The following NCAM2 variants were observed in gnomAD, a reference collection of about 807,000 sequenced individuals.
NCAM2 encodes the protein N-CAM-2.
Under a neutral mutation model 98.1 loss-of-function variants are expected in NCAM2, and 30 were observed. That is an observed-to-expected ratio of 0.31 (90% CI 0.23 to 0.41). The LOEUF (loss-of-function observed/expected upper bound fraction) is 0.41, where lower values mean the gene tolerates loss of function less well. Ranked by LOEUF, NCAM2 falls within the 10% of genes least tolerant of loss-of-function variation. NCAM2 has a pLI of 1.00. For missense variants in NCAM2, 867 were observed against 1,005.8 expected, an observed-to-expected ratio of 0.86 and a Z score of 1.87; for synonymous variants, 368 against 342.4, an observed-to-expected ratio of 1.07 and a Z score of -0.83.
intron 6 of NCAM2, among the ~76,000 whole-genome samples, chr21:21,329,797 T>C (rs1039461372): frequency 3.3e-5 from 5 of 152,286 alleles, no homozygotes; most frequent in African/African-American, 1.2e-4. Context: ...ATAATTTTTC[T>C]TAAGTTCACA....
chr21:21,456,794 C>A (rs1384472145), intron 12 of NCAM2, among the ~76,000 whole-genome samples: 1 of 152,012 alleles, frequency 6.6e-6, no homozygotes, highest in Non-Finnish European at 1.5e-5. Flanking sequence ...GATTGGTGCC[C>A]TTTTAAAAGA....
At chr21:21,339,616 T>C (rs1177796567) in intron 8 of NCAM2, among the ~76,000 whole-genome samples, 1 of 151,840 alleles carries the variant, frequency 6.6e-6, no homozygotes, top group Non-Finnish European at 1.5e-5. Flanking sequence ...AGGTAAAGAG[T>C]CCAATTTCTA....
At chr21:21,426,180 A>G (rs1002351560) in intron 11 of NCAM2, among the ~76,000 whole-genome samples, 2 of 152,172 alleles carry the variant, frequency 1.3e-5, no homozygotes, top group African/African-American at 4.8e-5. Flanking sequence ...AACATATAAA[A>G]TGTGGAGGGA....
rs751489970 is a variant in NCAM2 at position 21,450,793 on chromosome 21, T to TGTATGTATACACAC, written c.1655-15813_1655-15812insGTATGTATACACAC. Among the ~76,000 whole-genome samples, 669 of 143,484 alleles carry TGTATGTATACACAC rather than the reference T, an allele frequency of 4.7e-3. 2 individuals carry two copies. Among genetic ancestry groups the TGTATGTATACACAC allele is most frequent in the Non-Finnish European group, 6.5e-3 (428 of 66,250 alleles). The allele number at this position is 143,484 out of a possible 152,430, so 94.1% of individuals were successfully genotyped here. ...CATCATGTATGTATGTATGTATGTA[T>TGTATGTATACACAC]ACACACACACACACACACACACACA... is the stretch of plus-strand genomic sequence containing the variant. On this transcript the variant is annotated intron_variant, in intron 12 of 17. Transcript: ENST00000400546.
At chr21:21,234,826 C>G (rs2070756306) in intron 1 of NCAM2, among the ~76,000 whole-genome samples, 1 of 151,890 alleles carries the variant, frequency 6.6e-6, no homozygotes, top group Admixed American at 6.6e-5. Context: ...ATTGCTGTTA[C>G]CGTGCTGAGA....
intron 1 of NCAM2, among the ~76,000 whole-genome samples, chr21:21,157,316 C>T (rs1466748680): frequency 6.6e-6 from 1 of 152,094 alleles, no homozygotes; most frequent in Non-Finnish European, 1.5e-5. Context: ...TAGGCAATAC[C>T]TTTGAACATT....
At chr21:21,265,487 C>A (rs1366748108) in intron 1 of NCAM2, among the ~76,000 whole-genome samples, 13 of 131,556 alleles carry the variant, frequency 9.9e-5, no homozygotes, top group Non-Finnish European at 1.3e-4. Context: ...ATTATATATA[C>A]ACATATATAA....
intron 8 of NCAM2, among the ~76,000 whole-genome samples, chr21:21,369,197 T>A (rs2075858688): frequency 6.6e-6 from 1 of 151,864 alleles, no homozygotes; most frequent in South Asian, 2.1e-4. Context: ...TTCTGGAAAT[T>A]TCAAAGAAAT....
chr21:21,321,423 C>A lies in NCAM2; in HGVS notation c.620-2960C>A, dbSNP rs576847329. On this transcript the variant is annotated intron_variant, in intron 5 of 17. Coordinates refer to ENST00000400546, the MANE Select transcript of NCAM2 (RefSeq NM_004540.5). Reference sequence around the variant, plus strand: ...CAAAAGCTGTTTAGTTTAATTAGGTCCCACTCGTCAATTTTTGTATTTATT... The same window carrying A: ...CAAAAGCTGTTTAGTTTAATTAGGTACCACTCGTCAATTTTTGTATTTATT... 8.6e-5 allele frequency among the ~76,000 whole-genome samples: 13 copies of A among 151,980 alleles called. No individual in the cohort carries two copies. The South Asian group carries it at 1.5e-3, about 17-fold the overall frequency.
At chr21:21,024,389 G>T (rs186618382) in intron 1 of NCAM2, among the ~76,000 whole-genome samples, 1 of 151,896 alleles carries the variant, frequency 6.6e-6, no homozygotes, top group Non-Finnish European at 1.5e-5. Context: ...ATCCTGGGGG[G>T]GGAAAAAACA....
chr21:21,534,993 A>G (rs556492979), intron 17 of NCAM2, among the ~76,000 whole-genome samples: 1 of 152,270 alleles, frequency 6.6e-6, no homozygotes, highest in African/African-American at 2.4e-5. Flanking sequence ...TAAAATAATT[A>G]TATTTACTGA....
In NCAM2 at chr21:21,135,190, G is replaced by A. The variant is rs567375002; in HGVS notation, c.55+136572G>A. 3.3e-5 allele frequency among the ~76,000 whole-genome samples: 5 copies of A among 149,258 alleles called. No individual in the cohort carries two copies. The South Asian group carries it at 1.1e-3, about 32-fold the overall frequency. The stretch of plus-strand genomic sequence containing the variant: ...GAACCAGGGAGGCGGAGTTTGCAGT[G>A]AGCCAAGATTGCGCCACTGCACTCC... On this transcript the variant is annotated intron_variant, in intron 1 of 17. Coordinates refer to ENST00000400546, the MANE Select transcript of NCAM2 (RefSeq NM_004540.5).
At chr21:21,523,189 T>G (rs1989129542) in intron 16 of NCAM2, among the ~76,000 whole-genome samples, 1 of 152,158 alleles carries the variant, frequency 6.6e-6, no homozygotes, top group African/African-American at 2.4e-5. Flanking sequence ...CCTTTTAAGC[T>G]TGATGCGATC....
intron 1 of NCAM2, among the ~76,000 whole-genome samples, chr21:21,260,620 T>G (rs1398177273): frequency 6.7e-6 from 1 of 149,746 alleles, no homozygotes; most frequent in Non-Finnish European, 1.5e-5. Context: ...CCTTTATAAA[T>G]AAAGAAAAAT....
chr21:21,307,123 A>C (rs1011094710), intron 5 of NCAM2, among the ~76,000 whole-genome samples: 1 of 152,086 alleles, frequency 6.6e-6, no homozygotes, highest in Non-Finnish European at 1.5e-5. Context: ...CACACATTGA[A>C]TATATTACTG....
intron 5 of NCAM2, among the ~76,000 whole-genome samples, chr21:21,303,747 C>T (rs186926959): frequency 2.0e-5 from 3 of 152,174 alleles, no homozygotes; most frequent in Admixed American, 6.6e-5. Flanking sequence ...ACGGGTATTT[C>T]GGGTATTTCA....
intron 1 of NCAM2, among the ~76,000 whole-genome samples, chr21:21,234,912 G>T (rs1357203084): frequency 6.6e-6 from 1 of 152,008 alleles, no homozygotes; most frequent in Non-Finnish European, 1.5e-5. Flanking sequence ...TAAGCAAATT[G>T]CAGCTAAGGG....
At chr21:21,327,606 G>A (rs566416605) in intron 6 of NCAM2, among the ~76,000 whole-genome samples, 11 of 152,302 alleles carry the variant, frequency 7.2e-5, no homozygotes, top group African/African-American at 2.6e-4. Context: ...ATGGGTATAA[G>A]AGATCTCTTG....
intron 5 of NCAM2, among the ~76,000 whole-genome samples, chr21:21,316,272 T>C (rs1343017914): frequency 6.6e-6 from 1 of 152,086 alleles, no homozygotes; most frequent in Non-Finnish European, 1.5e-5. Context: ...TTTTATTTAC[T>C]TTTTTATTAT....
Sources: allele counts gnomAD v4.1 joint callset (sites outside exome capture counted in the v4.1 genomes callset), GRCh38; gene constraint gnomAD v4.1.1; transcripts MANE v1.5; gene names NCBI Gene and HGNC (gene_info 2026-07-23, HGNC 2026-07-21).